Variants in BTC observed in about 807,000 individuals in gnomAD.
The protein encoded by BTC is probetacellulin.
A neutral mutation model predicts 18.1 loss-of-function variants in BTC; 13 were observed. That is an observed-to-expected ratio of 0.72 (90% confidence interval 0.47 to 1.14). BTC has a LOEUF of 1.14. Among genes scored for constraint, BTC ranks in the 50% most tolerant of loss-of-function variants. BTC has a pLI of 0.00. For missense variants in BTC, 247 were observed against 224.2 expected, an observed-to-expected ratio of 1.10 and a Z score of -0.65; for synonymous variants, 83 against 79.4, an observed-to-expected ratio of 1.05 and a Z score of -0.24.
chr4:74,750,999 T>A (rs544532008), intron 3 of BTC, among the ~76,000 whole-genome samples: 1 of 152,168 alleles, frequency 6.6e-6, no homozygotes, highest in Non-Finnish European at 1.5e-5. Flanking sequence ...AATTTTAGTC[T>A]CTGAATTCAA....
chr4:74,750,654 C>T lies in BTC; in HGVS notation c.347G>A (p.Arg116Lys). Residue 116 changes from arginine to lysine, a missense_variant, in exon 4 of 6, where the codon AGA becomes AAA. Arg to Lys is a conservative substitution (Grantham distance 26, BLOSUM62 2). Coordinates refer to ENST00000395743, the MANE Select transcript of BTC (RefSeq NM_001729.4). The stretch of plus-strand genomic sequence containing the variant: ...CAAACAAATCACCAGAATCTGTCCT[C>T]TGTCTCCTCTTAGGTAAAACAAGTC... Reference protein sequence around the residue: ...RVDLFYLRGDRGQILVICLIA... With the variant: ...RVDLFYLRGDKGQILVICLIA... The T allele has an allele frequency of 6.2e-7, 1 of 1,614,020 alleles. No homozygotes were observed. Among genetic ancestry groups the T allele is most frequent in the South Asian group, 1.1e-5 (1 of 91,074 alleles).
chr4:74,793,956 C>T (rs890915923), intron 1 of BTC, among the ~76,000 whole-genome samples: 9 of 151,874 alleles, frequency 5.9e-5, no homozygotes, highest in African/African-American at 1.9e-4. Flanking sequence ...GCCAGGCCCT[C>T]TGCTGTGCGC....
chr4:74,746,871 T>C (rs1165178611), intron 5 of BTC, among the ~76,000 whole-genome samples, 196 bp from the exon 6 acceptor site: 2 of 152,234 alleles, frequency 1.3e-5, no homozygotes, highest in Non-Finnish European at 2.9e-5. Flanking sequence ...CTGGAAGAGA[T>C]TCTTTGTACA....
At chr4:74,771,074 G>C (rs1725027102) in intron 1 of BTC, among the ~76,000 whole-genome samples, 1 of 151,958 alleles carries the variant, frequency 6.6e-6, no homozygotes, top group Non-Finnish European at 1.5e-5. Flanking sequence ...GATAATTGCT[G>C]AAGCTGATGG....
chr4:74,751,022 G>A (rs548270174), intron 3 of BTC, among the ~76,000 whole-genome samples: 1 of 152,090 alleles, frequency 6.6e-6, no homozygotes, highest in Non-Finnish European at 1.5e-5. Context: ...AGGAAAGGAG[G>A]ATAAAATTCC....
intron 2 of BTC, among the ~76,000 whole-genome samples, chr4:74,756,359 T>C (rs1553956708): frequency 6.6e-6 from 1 of 152,196 alleles, no homozygotes; most frequent in Non-Finnish European, 1.5e-5. Flanking sequence ...GTTTTGGTTG[T>C]TTAACTTAAA....
intron 1 of BTC, among the ~76,000 whole-genome samples, chr4:74,792,449 A>G (rs1367370160): frequency 6.6e-6 from 1 of 152,178 alleles, no homozygotes; most frequent in African/African-American, 2.4e-5. Flanking sequence ...GATTATACCT[A>G]CGAGACAATC....
intron 1 of BTC, among the ~76,000 whole-genome samples, chr4:74,779,315 G>A (rs1725257953): frequency 6.6e-6 from 1 of 152,096 alleles, no homozygotes; most frequent in Non-Finnish European, 1.5e-5. Context: ...CTGTCAACAC[G>A]ACAATGTCTT....
At chr4:74,768,930 T>C (rs149197602) in intron 2 of BTC, among the ~76,000 whole-genome samples, 2 of 152,150 alleles carry the variant, frequency 1.3e-5, no homozygotes, top group South Asian at 4.1e-4. Flanking sequence ...CTTGTTCTTC[T>C]GCCTACATGG....
At chr4:74,747,992 T>G (rs782779691) in intron 5 of BTC, 48 bp downstream of exon 5, 11 of 1,075,878 alleles carry the variant, frequency 1.0e-5, no homozygotes, top group Non-Finnish European at 1.5e-5. Flanking sequence ...ATCTAACCAG[T>G]TAAATGTCAC....
chr4:74,762,675 T>C (rs1724792201), intron 2 of BTC, among the ~76,000 whole-genome samples: 1 of 152,096 alleles, frequency 6.6e-6, no homozygotes, highest in Admixed American at 6.6e-5. Context: ...TTTAAATAAT[T>C]AATGCTATTG....
rs532513122 is a variant in BTC at position 74,763,723 on chromosome 4, A to C, written c.163+6335T>G. Among the ~76,000 whole-genome samples, 24 of 152,282 alleles carry C rather than the reference A, an allele frequency of 1.6e-4. 1 individual carries two copies. The East Asian group carries it at 1.9e-3, about 12-fold the overall frequency. On this transcript the variant is annotated intron_variant, in intron 2 of 5. Transcript: ENST00000395743. ...GCTGAGGAGGTGGGGAGATAGCCAG[A>C]GATTGGCTGAAGGATACAAAATTAT...
chr4:74,774,159 A>T (rs1379407619), intron 1 of BTC, among the ~76,000 whole-genome samples: 1 of 152,244 alleles, frequency 6.6e-6, no homozygotes, highest in African/African-American at 2.4e-5. Flanking sequence ...GATAATATTT[A>T]TGTGGTCATA....
intron 1 of BTC, among the ~76,000 whole-genome samples, chr4:74,782,429 A>T (rs1442243416): frequency 1.3e-5 from 2 of 152,114 alleles, no homozygotes; most frequent in Non-Finnish European, 2.9e-5. Context: ...CAAAGACATG[A>T]TCTCATTCCT....
In BTC at chr4:74,765,496, C is replaced by T. The variant is rs142662179; in HGVS notation, c.163+4562G>A. Among the ~76,000 whole-genome samples the T allele has an allele frequency of 3.9e-5, 6 of 152,064 alleles. No homozygotes were observed. The East Asian group carries it at 1.2e-3, about 29-fold the overall frequency. The stretch of plus-strand genomic sequence containing the variant: ...AAAAGCTTAAAGGACTTATGAAACA[C>T]CATAACACAGGCAGACCAATATACA... On this transcript the variant is annotated intron_variant, in intron 2 of 5. Transcript: ENST00000395743.
At position 74,755,962 on chromosome 4, in the gene BTC, A is replaced by G; in HGVS notation, c.178T>C (p.Ser60Pro). ...EENCAATTTQSKRKGHFSRCP... is the reference protein window; with the variant it reads ...EENCAATTTQPKRKGHFSRCP... ...CTAGAGAAGTGGCCTTTCCGCTTTG[A>G]TTGTGTGGTGGTAGCTGGAAAATGA... The change falls in exon 3 of 6, where the codon TCA becomes CCA. Residue 60 changes from serine (S) to proline (P), a missense_variant. Ser to Pro is a moderately conservative substitution (Grantham distance 74). Coordinates refer to ENST00000395743, the MANE Select transcript of BTC (RefSeq NM_001729.4). 1.2e-6 allele frequency: 2 copies of G among 1,613,976 alleles called. No individual in the cohort carries two copies. Among genetic ancestry groups the G allele is most frequent in the Non-Finnish European group, 1.7e-6 (2 of 1,179,896 alleles).
intron 1 of BTC, among the ~76,000 whole-genome samples, chr4:74,793,168 T>TA: frequency 6.6e-6 from 1 of 152,354 alleles, no homozygotes; most frequent in African/African-American, 2.4e-5. Flanking sequence ...ACTCTACCAC[T>TA]AAATTGTTAC....
chr4:74,768,818 T>C (rs966192936), intron 2 of BTC, among the ~76,000 whole-genome samples: 1 of 152,186 alleles, frequency 6.6e-6, no homozygotes, highest in Non-Finnish European at 1.5e-5. Flanking sequence ...TTGTCTGTCA[T>C]CAAATTATGG....
intron 2 of BTC, 62 bp downstream of exon 2, chr4:74,769,996 G>A (rs1237802482): frequency 2.2e-6 from 3 of 1,336,532 alleles, no homozygotes; most frequent in African/African-American, 1.5e-5. Flanking sequence ...CTAGTATTAT[G>A]AGTACTATTA....
Sources: gnomAD v4.1 joint callset for allele counts (sites outside exome capture counted in the v4.1 genomes callset) on GRCh38, gnomAD v4.1.1 for gene constraint, MANE v1.5 for transcripts, NCBI Gene and HGNC (gene_info 2026-07-23, HGNC 2026-07-21) for gene names.